PTPRT: variants seen among roughly 807,000 people sequenced by gnomAD.
PTPRT encodes protein tyrosine phosphatase receptor type T.
In PTPRT, 56 loss-of-function variants were observed where a neutral mutation model predicts 176.8. The ratio of observed to expected loss-of-function variants is 0.32; its 90% confidence interval spans 0.26 to 0.40. The LOEUF (loss-of-function observed/expected upper bound fraction) is 0.40, where lower values mean the gene tolerates loss of function less well. PTPRT is among the 10% of genes least tolerant of loss of function. PTPRT has a pLI of 1.00. For synonymous variants in PTPRT, 783 were observed against 739.0 expected (o/e 1.06, Z -0.96); for missense variants, 1,540 against 1,908.2 (o/e 0.81, Z 3.60).
chr20:43,130,110 G>C (rs997093661), intron 1 of PTPRT, among the ~76,000 whole-genome samples: 12 of 152,208 alleles, frequency 7.9e-5, no homozygotes, highest in African/African-American at 2.9e-4. Flanking sequence ...TATATATTTG[G>C]ATTCCCATTG....
chr20:43,036,086 A>C (rs1986366565), intron 1 of PTPRT, among the ~76,000 whole-genome samples: 2 of 151,624 alleles, frequency 1.3e-5, no homozygotes, highest in African/African-American at 4.8e-5. Flanking sequence ...TGGAGAAAAA[A>C]CTCCTTCTTG....
At chr20:43,137,604 G>A (rs1303869505) in intron 1 of PTPRT, among the ~76,000 whole-genome samples, 1 of 152,170 alleles carries the variant, frequency 6.6e-6, no homozygotes, top group Non-Finnish European at 1.5e-5. Flanking sequence ...CTCACAGGAG[G>A]CCGGCTCCAC....
chr20:42,131,015 T>C (rs1284818639), intron 18 of PTPRT, among the ~76,000 whole-genome samples: 1 of 152,206 alleles, frequency 6.6e-6, no homozygotes, highest in Admixed American at 6.5e-5. Context: ...TCAGAAAGAT[T>C]AAGCAAGCTT....
At chr20:43,175,154 T>C (rs542087160) in intron 1 of PTPRT, among the ~76,000 whole-genome samples, 1 of 152,222 alleles carries the variant, frequency 6.6e-6, no homozygotes, top group East Asian at 1.9e-4. Context: ...TGCGAGGAAG[T>C]CTCCTCCATG....
chr20:43,148,666 C>G (rs1412059545), intron 1 of PTPRT, among the ~76,000 whole-genome samples: 2 of 152,162 alleles, frequency 1.3e-5, no homozygotes, highest in African/African-American at 4.8e-5. Flanking sequence ...AAAACCATCC[C>G]AGCTATTTTT....
chr20:42,536,831 T>C (rs1408375528), intron 7 of PTPRT, among the ~76,000 whole-genome samples: 1 of 152,122 alleles, frequency 6.6e-6, no homozygotes, highest in East Asian at 1.9e-4. Flanking sequence ...AAACCAGAGA[T>C]TTAAGTTGGT....
At chr20:42,862,608 G>A (rs1180154404) in intron 2 of PTPRT, among the ~76,000 whole-genome samples, 4 of 152,172 alleles carry the variant, frequency 2.6e-5, no homozygotes, top group African/African-American at 9.7e-5. Context: ...CCAGAGAGTG[G>A]GAGGGAGGGA....
Position 42,084,790 on chromosome 20 carries a change from T to C in PTPRT, c.4028A>G (p.Tyr1343Cys). Residue 1343 changes from tyrosine (Y) to cysteine (C), a missense_variant, in exon 29 of 31, where the codon TAC becomes TGC. By Grantham distance (194) the Tyr-to-Cys change is radical. Around this residue, in one of 11 missense-constraint regions of PTPRT, gnomAD observed 342 missense variants for 394.0 expected, o/e 0.87. Coordinates refer to ENST00000373187, the MANE Select transcript of PTPRT (RefSeq NM_007050.6). ...GCGCTTGGAGGGGGGCGTGTCCCGG[T>C]AGGCAGGCCAGCCAATGTACTGGAG... ...QHLQYIGWPA[Y>C]RDTPPSKRSL... The C allele has an allele frequency of 6.5e-7, 1 of 1,550,226 alleles. No individual in the cohort carries two copies. Among genetic ancestry groups the C allele is most frequent in the Non-Finnish European group, 8.7e-7 (1 of 1,143,224 alleles).
At chr20:42,766,534 T>A (rs1422687318) in intron 5 of PTPRT, among the ~76,000 whole-genome samples, 1 of 152,176 alleles carries the variant, frequency 6.6e-6, no homozygotes, top group Non-Finnish European at 1.5e-5. Flanking sequence ...TAAAGACATA[T>A]AAAGTTTCCA....
intron 6 of PTPRT, among the ~76,000 whole-genome samples, chr20:42,749,128 G>A (rs2076732968): frequency 6.6e-6 from 1 of 152,100 alleles, no homozygotes; most frequent in Non-Finnish European, 1.5e-5. Context: ...AAGAACAGCT[G>A]GATGCAGAGA....
Position 43,189,248 on chromosome 20 carries a change from C to G in PTPRT, c.88+398G>C, listed in dbSNP as rs775732183. On this transcript the variant is annotated intron_variant, in intron 1 of 30. Coordinates refer to ENST00000373187, the MANE Select transcript of PTPRT (RefSeq NM_007050.6). This position sits in a 1 kb window ranked among gnomAD's most constrained non-coding sequence, Gnocchi z 5.0. ...CTAAAAGCGCGCGCTGCCCGAGGAG[C>G]TGCCCGGGAGAGAACGCTCCACCCC... Among the ~76,000 whole-genome samples the G allele has an allele frequency of 6.7e-4, 102 of 152,198 alleles. No individual in the cohort carries two copies. Among genetic ancestry groups the G allele is most frequent in the Middle Eastern group, 3.2e-3 (1 of 316 alleles).
At chr20:42,958,360 G>C (rs1477590271) in intron 1 of PTPRT, among the ~76,000 whole-genome samples, 2 of 111,412 alleles carry the variant, frequency 1.8e-5, no homozygotes, top group Non-Finnish European at 3.8e-5. Flanking sequence ...GCTGGGAAGG[G>C]AGGGGAGGGG....
intron 7 of PTPRT, among the ~76,000 whole-genome samples, chr20:42,510,469 G>A (rs1421601713): frequency 6.6e-6 from 1 of 151,928 alleles, no homozygotes; most frequent in Non-Finnish European, 1.5e-5. Context: ...TTTAAAAAAG[G>A]AGCCCCAATA....
chr20:43,113,022 G>A (rs1016639813), intron 1 of PTPRT, among the ~76,000 whole-genome samples: 3 of 151,706 alleles, frequency 2.0e-5, no homozygotes, highest in African/African-American at 4.8e-5. Context: ...TGATATAAAC[G>A]TATCTCCTGG....
intron 7 of PTPRT, among the ~76,000 whole-genome samples, chr20:42,569,390 A>G (rs1036528823): frequency 2.0e-5 from 3 of 152,168 alleles, no homozygotes; most frequent in Non-Finnish European, 2.9e-5. Flanking sequence ...AGAGTCCTGC[A>G]CGCAGTAGCT....
At chr20:43,112,735 G>A (rs2012913812) in intron 1 of PTPRT, among the ~76,000 whole-genome samples, 1 of 152,204 alleles carries the variant, frequency 6.6e-6, no homozygotes, top group Non-Finnish European at 1.5e-5. Flanking sequence ...GGAAATTCAA[G>A]CACGATTTTT....
intron 12 of PTPRT, among the ~76,000 whole-genome samples, chr20:42,288,679 C>T (rs1251843529): frequency 6.6e-6 from 1 of 151,966 alleles, no homozygotes; most frequent in African/African-American, 2.4e-5. Context: ...ATCCATGTTG[C>T]TGCAGAGGAC....
chr20:42,545,468 G>A (rs2145594417), intron 7 of PTPRT, among the ~76,000 whole-genome samples: 1 of 152,138 alleles, frequency 6.6e-6, no homozygotes, highest in South Asian at 2.1e-4. Context: ...ACCCACTATG[G>A]CGAGATTCTT....
At chr20:42,579,900 T>C (rs960771087) in intron 7 of PTPRT, among the ~76,000 whole-genome samples, 26 of 152,204 alleles carry the variant, frequency 1.7e-4, no homozygotes, top group African/African-American at 5.8e-4. Context: ...AGAAGCTCTT[T>C]AGTTTAATTA....
Sources: allele counts gnomAD v4.1 joint callset (sites outside exome capture counted in the v4.1 genomes callset), GRCh38; gene constraint gnomAD v4.1.1; regional missense constraint gnomAD v4.1.1; non-coding constraint Gnocchi (gnomAD v3.1); transcripts MANE v1.5; gene names NCBI Gene and HGNC (gene_info 2026-07-23, HGNC 2026-07-21).